The following CNTN2 variants were observed in gnomAD, a reference collection of about 807,000 sequenced individuals.
The protein encoded by CNTN2 is contactin 2, also known as contactin-2.
CNTN2 carries 53 observed loss-of-function variants against 117.5 expected under a neutral mutation model. The ratio of observed to expected loss-of-function variants is 0.45; its 90% CI spans 0.36 to 0.57. The LOEUF is 0.57. Among genes scored for constraint, CNTN2 ranks in the 20% least tolerant of loss-of-function variants. The probability of loss-of-function intolerance (pLI) is 0.00; values close to 1 mark genes in which losing one functional copy is unlikely to be tolerated. For synonymous variants in CNTN2, 530 were observed against 561.7 expected (o/e 0.94, Z 0.80); for missense variants, 1,106 against 1,404.3 (o/e 0.79, Z 3.39).
intron 2 of CNTN2, among the ~76,000 whole-genome samples, chr1:205,055,466 G>A (rs935089120): frequency 1.3e-5 from 2 of 152,180 alleles, no homozygotes; most frequent in East Asian, 1.9e-4. Context: ...GTGGTACTAC[G>A]CTGGGGATAA....
At position 205,065,222 on chromosome 1, in the gene CNTN2, A is replaced by G. The variant is rs375531151; in HGVS notation, c.1655A>G (p.Asp552Gly). The G allele has an allele frequency of 4.3e-5, 70 of 1,613,934 alleles. No individual in the cohort carries two copies. The highest frequency in any genetic ancestry group is 5.4e-5 in the Non-Finnish European group (64 of 1,180,002). ...FTWTLDDFPI[D>G]FDKPGGHYRR... is the part of the protein sequence containing the mutation. ...TGGACCCTGGACGACTTCCCCATCG[A>G]CTTTGATAAGCCTGGAGGGCACTAC... Residue 552 changes from aspartate to glycine, a missense_variant, in exon 13 of 23, where the codon GAC (aspartate) becomes GGC (glycine). Transcript: ENST00000331830. This position sits in a 1 kb window ranked among gnomAD's most constrained non-coding sequence, Gnocchi z 4.1.
In CNTN2 at chr1:205,061,396, G is replaced by A. The variant is rs374463835; in HGVS notation, c.949G>A (p.Val317Met). ...EAENSKGRDTVQGRIIVQAQP... is the reference protein window; with the variant it reads ...EAENSKGRDTMQGRIIVQAQP... ...GGAGAACTCCAAGGGCCGAGACACC[G>A]TGCAGGGCCGCATCATCGTGCAGGG... Residue 317 changes from valine (V) to methionine (M), a missense_variant, in exon 8 of 23, where the codon GTG becomes ATG. Val to Met is a conservative substitution (Grantham distance 21, BLOSUM62 1). Coordinates refer to ENST00000331830, the MANE Select transcript of CNTN2 (RefSeq NM_005076.5). The surrounding 1 kb of genome is among the most constrained non-coding windows in gnomAD (Gnocchi z 4.8). The A allele has an allele frequency of 1.9e-5, 31 of 1,612,382 alleles. No homozygotes were observed. Among genetic ancestry groups the A allele is most frequent in the East Asian group, 1.8e-4 (8 of 44,834 alleles).
chr1:205,057,731 G>A (rs545973705), intron 2 of CNTN2, 190 bp from the exon 3 acceptor site: 29 of 532,908 alleles, frequency 5.4e-5, no homozygotes, highest in African/African-American at 1.2e-4. Flanking sequence ...GTAAAATGTC[G>A]TTCTTCAGTC....
Position 205,067,220 on chromosome 1 carries a change from C to T in CNTN2, c.2095C>T (p.Pro699Ser), listed in dbSNP as rs1385031562. The change falls in exon 16 of 23, where the codon CCC becomes TCC. Residue 699 changes from proline to serine, a missense_variant. Coordinates refer to ENST00000331830, the MANE Select transcript of CNTN2 (RefSeq NM_005076.5). ...NILGTGEPSG[P>S]SSKIRTREAA... ...TCTGGGCACTGGGGAGCCTAGTGGG[C>T]CCTCCAGCAAAATCCGGACCAGGGA... is the stretch of plus-strand genomic sequence containing the variant. 6.2e-7 allele frequency: 1 copy of T among 1,613,802 alleles called. No homozygotes were observed. The highest frequency in any genetic ancestry group is 1.7e-5 in the Admixed American group (1 of 59,962).
At chr1:205,070,672 T>C (rs1654548133) in intron 19 of CNTN2, 134 bp downstream of exon 19, 1 of 627,226 alleles carries the variant, frequency 1.6e-6, no homozygotes, top group Non-Finnish European at 2.8e-6. Context: ...GCATCCAGTC[T>C]GTGTAGCACT....
Position 205,058,685 on chromosome 1 carries a change from G to C in CNTN2, c.487+22G>C. On this transcript the variant is annotated intron_variant, in intron 5 of 22. Transcript: ENST00000331830. The surrounding 1 kb of genome is among the most constrained non-coding windows in gnomAD (Gnocchi z 4.3). ...CCAGGTGAGTCCAGACCTGGGGCCA[G>C]GGTTAGAGAGGGCACAGGAAGGGCT... 1 of 1,579,476 alleles carries C rather than the reference G, an allele frequency of 6.3e-7. No individual in the cohort carries two copies. Among genetic ancestry groups the C allele is most frequent in the Non-Finnish European group, 8.7e-7 (1 of 1,152,242 alleles).
At chr1:205,070,276 C>A in intron 18 of CNTN2, 150 bp from the exon 19 acceptor site, 1 of 702,288 alleles carries the variant, frequency 1.4e-6, no homozygotes, top group Non-Finnish European at 2.4e-6. Context: ...TAGAAGTGGG[C>A]CCTGGAGCAT....
At chr1:205,053,350 C>T in intron 2 of CNTN2, 95 bp downstream of exon 2, 1 of 1,034,976 alleles carries the variant, frequency 9.7e-7, no homozygotes, top group Non-Finnish European at 1.4e-6. Context: ...AAATCATTGG[C>T]TCTGCATTGT....
In CNTN2 at chr1:205,058,121, C is replaced by G. The variant is rs1653756596; in HGVS notation, c.215+56C>G. 5.0e-6 allele frequency: 8 copies of G among 1,600,572 alleles called. No individual in the cohort carries two copies. In the South Asian group the frequency reaches 9.0e-5, roughly 18 times the overall value. On this transcript the variant is annotated intron_variant, in intron 3 of 22. Coordinates refer to ENST00000331830, the MANE Select transcript of CNTN2 (RefSeq NM_005076.5). The surrounding 1 kb of genome is among the most constrained non-coding windows in gnomAD (Gnocchi z 4.3). ...CCTGGGCAGCCGTTGAACTTTCCCT[C>G]TCATCAGCCCTGCCACCAGGCAGGA...
chr1:205,044,873 C>T (rs2096438677), intron 1 of CNTN2, among the ~76,000 whole-genome samples: 1 of 152,184 alleles, frequency 6.6e-6, no homozygotes, highest in Non-Finnish European at 1.5e-5. Flanking sequence ...CCCTTAAAGA[C>T]AGCAGCATCC....
In CNTN2 at chr1:205,065,251, A is replaced by G; in HGVS notation, c.1684A>G (p.Arg562Gly). 6.2e-7 allele frequency: 1 copy of G among 1,614,080 alleles called. No homozygotes were observed. Among genetic ancestry groups the G allele is most frequent in the South Asian group, 1.1e-5 (1 of 91,070 alleles). The change falls in exon 13 of 23, where the codon AGA (arginine) becomes GGA (glycine). Residue 562 changes from arginine (R) to glycine (G), a missense_variant. Physicochemically the swap from Arg to Gly is moderately radical, Grantham distance 125 (BLOSUM62 -2). Transcript: ENST00000331830. The surrounding 1 kb of genome is among the most constrained non-coding windows in gnomAD (Gnocchi z 4.1). Reference protein sequence around the residue: ...DFDKPGGHYRRTNVKETIGDL... With the variant: ...DFDKPGGHYRGTNVKETIGDL... ...TGATAAGCCTGGAGGGCACTACCGG[A>G]GAACTAATGTGGTGAGACCTAGGGC...
Position 205,061,525 on chromosome 1 carries a change from C to A in CNTN2, c.973+105C>A. 2 of 1,323,384 alleles carry A rather than the reference C, an allele frequency of 1.5e-6. No homozygotes were observed. The highest frequency in any genetic ancestry group is 2.0e-6 in the Non-Finnish European group (2 of 982,668). The allele number at this position is 1,323,384 out of a possible 1,614,324, so 82.0% of individuals were successfully genotyped here. A position where few individuals can be genotyped will look rare whatever the true frequency, so the allele number is the denominator to read the frequency against. ...AAAAGTCAGGGAGGAGACTGGGAGG[C>A]CCCCTGCATGAGCCTGCTTGCCCTA... On this transcript the variant is annotated intron_variant, in intron 8 of 22. Coordinates refer to ENST00000331830, the MANE Select transcript of CNTN2 (RefSeq NM_005076.5). The surrounding 1 kb of genome is among the most constrained non-coding windows in gnomAD (Gnocchi z 4.8).
chr1:205,062,382 C>G, intron 9 of CNTN2, 58 bp from the exon 10 acceptor site: 1 of 1,561,640 alleles, frequency 6.4e-7, no homozygotes, highest in South Asian at 1.2e-5. Context: ...CTGCCAACCC[C>G]TCCTCCCTGT....
chr1:205,042,960 C>T (rs2096434482), upstream of CNTN2: 7 of 152,272 alleles, frequency 4.6e-5, no homozygotes, highest in South Asian at 1.5e-3. Context: ...GACAGCGCCC[C>T]GCGGCCTGTC....
At chr1:205,060,997 T>G in intron 7 of CNTN2, 1 of 464,498 alleles carries the variant, frequency 2.2e-6, no homozygotes, top group Non-Finnish European at 3.8e-6. Context: ...AAGCCCGGCT[T>G]CACTGGCTCC....
chr1:205,049,986 A>G (rs912939348), intron 1 of CNTN2, among the ~76,000 whole-genome samples: 7 of 151,592 alleles, frequency 4.6e-5, no homozygotes, highest in African/African-American at 1.7e-4. Flanking sequence ...AAACCACTGC[A>G]GGGCACTCTA....
Position 205,074,120 on chromosome 1 carries a change from C to T in CNTN2, c.*355C>T, listed in dbSNP as rs970247567. On this transcript the variant is annotated 3_prime_UTR_variant, in exon 23 of 23. Transcript: ENST00000331830. ...AGAGATGGCCCTCTGGGACCCTATA[C>T]GGACTCCGCCACTTGAGAGCAGTCC... 12 of 535,608 alleles carry T rather than the reference C, an allele frequency of 2.2e-5. No homozygotes were observed. Among genetic ancestry groups the T allele is most frequent in the Middle Eastern group, 4.8e-4 (1 of 2,076 alleles). The allele number at this position is 535,608 out of a possible 1,614,324, so 33.2% of individuals were successfully genotyped here. A position where few individuals can be genotyped will look rare whatever the true frequency, so the allele number is the denominator to read the frequency against.
chr1:205,049,125 C>T (rs1455646693), intron 1 of CNTN2, among the ~76,000 whole-genome samples: 1 of 151,882 alleles, frequency 6.6e-6, no homozygotes, highest in Non-Finnish European at 1.5e-5. Context: ...ACCCAGGATC[C>T]CTGGGCCGGA....
At chr1:205,066,082 C>A in intron 14 of CNTN2, 173 bp downstream of exon 14, 1 of 786,846 alleles carries the variant, frequency 1.3e-6, no homozygotes, top group Non-Finnish European at 2.0e-6. Context: ...CCTAAATGAT[C>A]AGGACATTTT....
Sources: allele counts gnomAD v4.1 joint callset (sites outside exome capture counted in the v4.1 genomes callset), GRCh38; gene constraint gnomAD v4.1.1; non-coding constraint Gnocchi (gnomAD v3.1); transcripts MANE v1.5; gene names NCBI Gene and HGNC (gene_info 2026-07-23, HGNC 2026-07-21).